Variants in GPR158 observed in about 807,000 individuals in gnomAD.
GPR158 encodes G protein-coupled receptor 158.
Under a neutral mutation model 78.2 loss-of-function variants are expected in GPR158, and 30 were observed. The ratio of observed to expected loss-of-function variants is 0.38; its 90% CI spans 0.29 to 0.52. GPR158 has a LOEUF of 0.52. GPR158 is among the 20% of genes least tolerant of loss of function. The pLI, the probability that GPR158 is intolerant of heterozygous loss-of-function variation, is 0.83. For synonymous variants in GPR158, 581 were observed against 591.1 expected, an observed-to-expected ratio of 0.98 and a Z score of 0.25; for missense variants, 1,463 against 1,523.5, an observed-to-expected ratio of 0.96 and a Z score of 0.66.
At chr10:25,268,416 T>C (rs1175136201) in intron 2 of GPR158, among the ~76,000 whole-genome samples, 2 of 152,098 alleles carry the variant, frequency 1.3e-5, no homozygotes. Context: ...AGGGAGAGTC[T>C]TCCTGGATTC....
intron 2 of GPR158, among the ~76,000 whole-genome samples, chr10:25,316,887 TTGTGTGTGTGTGTG>T (rs35949163): frequency 7.9e-6 from 1 of 127,200 alleles, no homozygotes; most frequent in African/African-American, 3.8e-5. Context: ...ATGTATGTAT[TTGTGTGTGTGTGTG>T]TGTGTGTGTT....
At chr10:25,239,116 A>G (rs1329844176) in intron 2 of GPR158, among the ~76,000 whole-genome samples, 1 of 152,216 alleles carries the variant, frequency 6.6e-6, no homozygotes, top group Admixed American at 6.5e-5. Flanking sequence ...CCAGAAGGGT[A>G]AGCCTGTCTC....
intron 2 of GPR158, among the ~76,000 whole-genome samples, chr10:25,338,448 G>A (rs940914466): frequency 4.3e-5 from 6 of 139,364 alleles, no homozygotes; most frequent in South Asian, 4.4e-4. Context: ...TTATATATAC[G>A]TAATATATAT....
chr10:25,538,192 A>G (rs1564483336), intron 5 of GPR158, among the ~76,000 whole-genome samples: 1 of 151,840 alleles, frequency 6.6e-6, no homozygotes, highest in Non-Finnish European at 1.5e-5. Context: ...AAGCCAAATC[A>G]GAGCCAAAGC....
intron 2 of GPR158, among the ~76,000 whole-genome samples, chr10:25,307,116 A>T (rs965040855): frequency 2.6e-5 from 4 of 152,044 alleles, no homozygotes; most frequent in Non-Finnish European, 5.9e-5. Context: ...CCATTCATTA[A>T]ATGTGTGCCC....
chr10:25,310,486 T>C (rs1239074886), intron 2 of GPR158, among the ~76,000 whole-genome samples: 1 of 152,200 alleles, frequency 6.6e-6, no homozygotes, highest in African/African-American at 2.4e-5. Flanking sequence ...TTGGGAAATA[T>C]TGACATTATA....
At chr10:25,268,559 C>G (rs1854073515) in intron 2 of GPR158, among the ~76,000 whole-genome samples, 1 of 152,098 alleles carries the variant, frequency 6.6e-6, no homozygotes, top group Non-Finnish European at 1.5e-5. Context: ...TCTCAATGAA[C>G]AGCTTTAAAA....
intron 5 of GPR158, among the ~76,000 whole-genome samples, chr10:25,520,843 G>T (rs1242959641): frequency 2.6e-5 from 4 of 152,236 alleles, no homozygotes; most frequent in Non-Finnish European, 5.9e-5. Context: ...GCCCCCAGAG[G>T]TGGAGCCTAC....
At chr10:25,185,186 C>T (rs1317301184) in intron 1 of GPR158, among the ~76,000 whole-genome samples, 3 of 152,170 alleles carry the variant, frequency 2.0e-5, no homozygotes, top group Non-Finnish European at 4.4e-5. Flanking sequence ...AAATGCTACT[C>T]TGGGACTATC....
intron 4 of GPR158, among the ~76,000 whole-genome samples, chr10:25,412,771 T>C (rs1175249458): frequency 1.3e-5 from 2 of 152,220 alleles, no homozygotes; most frequent in Non-Finnish European, 2.9e-5. Flanking sequence ...GAGAAACTTA[T>C]TCTACCAGCA....
intron 4 of GPR158, among the ~76,000 whole-genome samples, chr10:25,425,969 T>C (rs1289546823): frequency 6.6e-6 from 1 of 152,170 alleles, no homozygotes; most frequent in African/African-American, 2.4e-5. Flanking sequence ...TGAGCAACTG[T>C]TTTTAATCTG....
At chr10:25,263,697 G>A (rs958898574) in intron 2 of GPR158, among the ~76,000 whole-genome samples, 2 of 152,124 alleles carry the variant, frequency 1.3e-5, no homozygotes, top group Non-Finnish European at 2.9e-5. Context: ...AGCACTTTGG[G>A]AGGCTGAAGC....
chr10:25,598,694 CA>C lies in GPR158; in HGVS notation c.3072del (p.Val1025PhefsTer20). The C allele has an allele frequency of 6.2e-7, 1 of 1,613,884 alleles. No individual in the cohort carries two copies. The highest frequency in any genetic ancestry group is 1.7e-4 in the Middle Eastern group (1 of 6,060). ...DLTPGPVPSESKVQKHVSIVA... is the reference protein window; with the variant it reads ...DLTPGPVPSEXKVQKHVSIVA... ...ACCCCTGGTCCTGTGCCTTCAGAAT[CA>C]AAAGTTCAAAAGCACGTATCTATTG... is the stretch of plus-strand genomic sequence containing the variant. On this transcript the variant is annotated frameshift_variant, in exon 11 of 11. Coordinates refer to ENST00000376351, the MANE Select transcript of GPR158 (RefSeq NM_020752.3). LOFTEE classifies it low-confidence loss of function (END_TRUNC).
chr10:25,334,934 G>A (rs537402517), intron 2 of GPR158, among the ~76,000 whole-genome samples: 13 of 152,066 alleles, frequency 8.5e-5, no homozygotes, highest in African/African-American at 3.1e-4. Context: ...GGGAATGGAC[G>A]GGAATCAATG....
At chr10:25,393,540 ATTCT>A (rs944819349) in intron 2 of GPR158, 3 of 152,120 alleles carry the variant, frequency 2.0e-5, no homozygotes, top group African/African-American at 7.2e-5. Flanking sequence ...GGATCCTTTG[ATTCT>A]TTCTTTCTGC....
intron 2 of GPR158, among the ~76,000 whole-genome samples, chr10:25,224,717 A>G (rs1459871416): frequency 6.6e-6 from 1 of 152,100 alleles, no homozygotes; most frequent in Admixed American, 6.6e-5. Context: ...AAATCAGTCC[A>G]AATTGAAGTA....
At position 25,482,052 on chromosome 10, in the gene GPR158, T is replaced by C. The variant is rs541375613; in HGVS notation, c.1404+15333T>C. 1.1e-4 allele frequency among the ~76,000 whole-genome samples: 17 copies of C among 152,214 alleles called. No individual in the cohort carries two copies. In the South Asian group the frequency reaches 3.3e-3, roughly 30 times the overall value. ...CTTGACCATACCTTAGCTCTGGCTA[T>C]CTTTTTTAGCTAGTGTGCCACACAG... On this transcript the variant is annotated intron_variant, in intron 5 of 10. Transcript: ENST00000376351.
chr10:25,459,452 G>C (rs1835330168), intron 4 of GPR158, among the ~76,000 whole-genome samples: 1 of 152,068 alleles, frequency 6.6e-6, no homozygotes, highest in African/African-American at 2.4e-5. Flanking sequence ...GGTTTCTTTT[G>C]TAATAGAAGG....
intron 2 of GPR158, among the ~76,000 whole-genome samples, chr10:25,350,988 G>T (rs1170867206): frequency 2.0e-4 from 31 of 151,998 alleles, no homozygotes; most frequent in Non-Finnish European, 8.8e-5. Flanking sequence ...TTTATGAGGG[G>T]TTATAATAAA....
Sources: allele counts gnomAD v4.1 joint callset (sites outside exome capture counted in the v4.1 genomes callset), GRCh38; gene constraint gnomAD v4.1.1; transcripts MANE v1.5; gene names NCBI Gene and HGNC (gene_info 2026-07-23, HGNC 2026-07-21).